The following BCL2 variants were observed in gnomAD, a reference collection of about 807,000 sequenced individuals.
BCL2 encodes BCL2 apoptosis regulator.
In BCL2, 1 loss-of-function variant was observed where a neutral mutation model predicts 14.2. The ratio of observed to expected loss-of-function variants is 0.07; its 90% CI spans 0.02 to 0.33. The LOEUF is 0.33. Ranked by LOEUF, BCL2 falls within the 10% of genes least tolerant of loss-of-function variation. BCL2 has a pLI of 0.99. For synonymous variants in BCL2, 151 were observed against 137.2 expected (o/e 1.10, Z -0.70); for missense variants, 247 against 305.9 (o/e 0.81, Z 1.44).
chr18:63,181,576 C>T (rs1330949874), intron 2 of BCL2, among the ~76,000 whole-genome samples: 2 of 152,206 alleles, frequency 1.3e-5, no homozygotes, highest in East Asian at 3.8e-4. Context: ...TGCCTTTCAG[C>T]ACAGCAGAGA....
chr18:63,252,922 T>C (rs1301269897), intron 2 of BCL2, among the ~76,000 whole-genome samples: 3 of 152,092 alleles, frequency 2.0e-5, no homozygotes, highest in Admixed American at 6.6e-5. Flanking sequence ...AAGCAGAAAG[T>C]AGAAGGAAGA....
chr18:63,267,171 C>T (rs746138807), intron 2 of BCL2, among the ~76,000 whole-genome samples: 7 of 152,254 alleles, frequency 4.6e-5, no homozygotes, highest in South Asian at 2.1e-4. Flanking sequence ...GGATCAGTCA[C>T]GACAGTTTCT....
At chr18:63,233,150 C>T (rs1431739946) in intron 2 of BCL2, among the ~76,000 whole-genome samples, 2 of 152,144 alleles carry the variant, frequency 1.3e-5, no homozygotes, top group Non-Finnish European at 2.9e-5. Context: ...CATGAGGGCT[C>T]TACCCTTGTG....
chr18:63,294,391 G>A (rs1912741677), intron 2 of BCL2, among the ~76,000 whole-genome samples: 2 of 152,144 alleles, frequency 1.3e-5, no homozygotes, highest in African/African-American at 4.8e-5. Flanking sequence ...AAAGTAGGCT[G>A]GGCAGGGTGG....
At chr18:63,232,436 G>GA (rs1257824094) in intron 2 of BCL2, among the ~76,000 whole-genome samples, 3 of 151,632 alleles carry the variant, frequency 2.0e-5, no homozygotes, top group Non-Finnish European at 4.4e-5. Context: ...ACTCTATAAG[G>GA]AAAAAACAAC....
chr18:63,215,293 T>G (rs1310197887), intron 2 of BCL2, among the ~76,000 whole-genome samples: 1 of 152,228 alleles, frequency 6.6e-6, no homozygotes, highest in African/African-American at 2.4e-5. Flanking sequence ...TCTAAAAATC[T>G]ATTCTTTTCT....
At position 63,293,814 on chromosome 18, in the gene BCL2, T is replaced by C. The variant is rs140423294; in HGVS notation, c.585+24268A>G. On this transcript the variant is annotated intron_variant, in intron 2 of 2. Transcript: ENST00000333681. ...AAGTAAGATTCCAAAATAGAACATG[T>C]TTTAACAGAGTATGTAAATTTATGG... Among the ~76,000 whole-genome samples, 537 of 152,332 alleles carry C rather than the reference T, an allele frequency of 3.5e-3. 3 individuals carry two copies. Among genetic ancestry groups the C allele is most frequent in the African/African-American group, 0.013 (525 of 41,572 alleles).
At chr18:63,143,436 C>T (rs1178382049) in intron 2 of BCL2, among the ~76,000 whole-genome samples, 2 of 152,202 alleles carry the variant, frequency 1.3e-5, no homozygotes, top group Non-Finnish European at 2.9e-5. Context: ...ACTACACGTG[C>T]CCACTGTACA....
At chr18:63,311,843 GGGAGATTC>G (rs1461583167) in intron 2 of BCL2, among the ~76,000 whole-genome samples, 2 of 152,182 alleles carry the variant, frequency 1.3e-5, no homozygotes, top group African/African-American at 4.8e-5. Context: ...CAGTATGTCA[GGGAGATTC>G]CCTTTCTCAC....
intron 2 of BCL2, among the ~76,000 whole-genome samples, chr18:63,209,081 A>C (rs1909924058): frequency 6.6e-6 from 1 of 152,218 alleles, no homozygotes; most frequent in Non-Finnish European, 1.5e-5. Context: ...TCACCCTGGC[A>C]AAAGGCTATA....
At chr18:63,301,618 G>T (rs533263653) in intron 2 of BCL2, among the ~76,000 whole-genome samples, 2 of 152,268 alleles carry the variant, frequency 1.3e-5, no homozygotes, top group South Asian at 4.1e-4. Context: ...AATGATCTCC[G>T]AAGGCGCTAA....
intron 2 of BCL2, among the ~76,000 whole-genome samples, chr18:63,212,817 A>AG (rs1910078814): frequency 6.6e-6 from 1 of 151,880 alleles, no homozygotes; most frequent in Non-Finnish European, 1.5e-5. Flanking sequence ...CGGAGGTTGC[A>AG]GTGAGCCGAG....
At chr18:63,135,593 C>T (rs368724628) in intron 2 of BCL2, among the ~76,000 whole-genome samples, 1 of 152,184 alleles carries the variant, frequency 6.6e-6, no homozygotes, top group East Asian at 1.9e-4. Flanking sequence ...GCTTTCCACC[C>T]TGGCCCATGC....
intron 2 of BCL2, among the ~76,000 whole-genome samples, chr18:63,199,519 C>T (rs1243816277): frequency 3.3e-5 from 5 of 151,424 alleles, no homozygotes; most frequent in Admixed American, 3.3e-4. Flanking sequence ...CACAGAGACA[C>T]ACACAACACA....
At chr18:63,282,542 A>G (rs924179707) in intron 2 of BCL2, among the ~76,000 whole-genome samples, 2 of 152,206 alleles carry the variant, frequency 1.3e-5, no homozygotes, top group African/African-American at 4.8e-5. Context: ...TGATTTGTAA[A>G]GCACGGCAAT....
chr18:63,210,686 G>A (rs901617885), intron 2 of BCL2, among the ~76,000 whole-genome samples: 1 of 152,190 alleles, frequency 6.6e-6, no homozygotes, highest in Non-Finnish European at 1.5e-5. Context: ...GTCTGAGAAT[G>A]AGTTTATCTA....
intron 2 of BCL2, among the ~76,000 whole-genome samples, chr18:63,231,216 A>G (rs1178307983): frequency 2.0e-5 from 3 of 151,972 alleles, no homozygotes; most frequent in African/African-American, 7.2e-5. Context: ...AAAATAAAAT[A>G]CCTAGCCAAC....
At chr18:63,163,340 G>C (rs569100773) in intron 2 of BCL2, among the ~76,000 whole-genome samples, 2 of 150,150 alleles carry the variant, frequency 1.3e-5, no homozygotes, top group East Asian at 3.9e-4. Context: ...CTGCTCTTCA[G>C]TTTTGTTTTG....
chr18:63,313,723 A>G (rs1913406893), intron 2 of BCL2: 1 of 152,178 alleles, frequency 6.6e-6, no homozygotes, highest in East Asian at 1.9e-4. Flanking sequence ...GCACCCACAC[A>G]CTCGCTCATG....
Sources: gnomAD v4.1 joint callset for allele counts (sites outside exome capture counted in the v4.1 genomes callset) on GRCh38, gnomAD v4.1.1 for gene constraint, MANE v1.5 for transcripts, NCBI Gene and HGNC (gene_info 2026-07-23, HGNC 2026-07-21) for gene names.